Variants in TMPRSS9 observed in about 807,000 individuals in gnomAD.
TMPRSS9 encodes transmembrane protease serine 9.
A neutral mutation model predicts 111.4 loss-of-function variants in TMPRSS9; 113 were observed. The observed-to-expected ratio is 1.01, with a 90% CI of 0.87 to 1.19. The LOEUF (loss-of-function observed/expected upper bound fraction) is 1.19, where lower values mean the gene tolerates loss of function less well. TMPRSS9 is among the 50% of genes most tolerant of loss of function. The pLI, the probability that TMPRSS9 is intolerant of heterozygous loss-of-function variation, is 0.00. For missense variants in TMPRSS9, 1,803 were observed against 1,513.1 expected (o/e 1.19, Z -3.18); for synonymous variants, 805 against 659.1 (o/e 1.22, Z -3.39).
chr19:2,362,362 G>C (rs1382113925), intron 1 of TMPRSS9, among the ~76,000 whole-genome samples: 3 of 150,932 alleles, frequency 2.0e-5, no homozygotes, highest in Non-Finnish European at 2.9e-5. Context: ...TTGTGTGACT[G>C]TGCAGCCATG....
At chr19:2,410,376 G>A in exon 9 of TMPRSS9, 1 of 1,613,990 alleles carries the variant, frequency 6.2e-7, no homozygotes, top group African/African-American at 1.3e-5. Flanking sequence ...ACCTGGACGG[G>A]AAGGTGGACT....
chr19:2,377,961 C>T (rs762345560), intron 1 of TMPRSS9, among the ~76,000 whole-genome samples: 2 of 151,338 alleles, frequency 1.3e-5, no homozygotes, highest in Non-Finnish European at 2.9e-5. Context: ...GCTTCGATCT[C>T]CTGGGCTCGA....
At chr19:2,420,169 G>A (rs1276629241) in intron 13 of TMPRSS9, among the ~76,000 whole-genome samples, 4 of 61,206 alleles carry the variant, frequency 6.5e-5, no homozygotes, top group African/African-American at 3.7e-4. Context: ...CTCAAAAAAC[G>A]AAGGGCGGGT....
At chr19:2,388,621 T>A (rs143874182), upstream of TMPRSS9, among the ~76,000 whole-genome samples, 1 of 152,062 alleles carries the variant, frequency 6.6e-6, no homozygotes, top group African/African-American at 2.4e-5. Flanking sequence ...CAATCAGTAT[T>A]CCATTTTTAA....
chr19:2,411,274 T>C (rs1971087925), intron 9 of TMPRSS9, among the ~76,000 whole-genome samples: 1 of 99,508 alleles, frequency 1.0e-5, no homozygotes, highest in Non-Finnish European at 1.8e-5. Context: ...CACTCCAGCC[T>C]GGGCGACAAA....
chr19:2,391,095 A>T (rs1047572326), intron 1 of TMPRSS9, among the ~76,000 whole-genome samples: 28 of 149,326 alleles, frequency 1.9e-4, no homozygotes, highest in Non-Finnish European at 2.8e-4. Flanking sequence ...AAGATAGCTG[A>T]GCATGGTGGT....
chr19:2,376,931 A>G (rs765694583), intron 1 of TMPRSS9, among the ~76,000 whole-genome samples: 15 of 152,052 alleles, frequency 9.9e-5, no homozygotes, highest in Non-Finnish European at 2.2e-4. Context: ...CCTCCAAGGA[A>G]GGCCAGGCAG....
exon 10 of TMPRSS9, chr19:2,413,864 C>T: frequency 6.2e-7 from 1 of 1,613,692 alleles, no homozygotes; most frequent in Non-Finnish European, 8.5e-7. Context: ...CCAAAGCCAG[C>T]ATGCCTCTGG....
At chr19:2,410,659 C>T (rs369005807) in intron 9 of TMPRSS9, among the ~76,000 whole-genome samples, 6 of 152,186 alleles carry the variant, frequency 3.9e-5, no homozygotes, top group East Asian at 3.9e-4. Context: ...GACTTCAATC[C>T]CTCCTCTGCC....
exon 18 of TMPRSS9, chr19:2,425,931 A>T (rs1289496890): frequency 1.9e-6 from 3 of 1,593,090 alleles, no homozygotes; most frequent in Non-Finnish European, 2.6e-6. Context: ...CAACAGGGTG[A>T]CGCTGGGGGA....
intron 1 of TMPRSS9, among the ~76,000 whole-genome samples, chr19:2,372,162 T>G (rs1210850241): frequency 6.6e-6 from 1 of 152,164 alleles, no homozygotes; most frequent in African/African-American, 2.4e-5. Context: ...GGCCCCTTCT[T>G]TTTTCTTCCC....
At chr19:2,385,413 G>A (rs988260176), upstream of TMPRSS9, among the ~76,000 whole-genome samples, 1 of 152,190 alleles carries the variant, frequency 6.6e-6, no homozygotes, top group African/African-American at 2.4e-5. Context: ...GACTGAAAGC[G>A]GCAGGAGCAT....
intron 1 of TMPRSS9, among the ~76,000 whole-genome samples, chr19:2,362,933 G>A (rs1056430102): frequency 1.3e-4 from 18 of 136,354 alleles, no homozygotes; most frequent in Non-Finnish European, 3.3e-5. Context: ...GTGTGTGGTT[G>A]TGTGTTGTGT....
intron 1 of TMPRSS9, among the ~76,000 whole-genome samples, chr19:2,362,217 G>A (rs1235130736): frequency 6.6e-6 from 1 of 151,962 alleles, no homozygotes; most frequent in Non-Finnish European, 1.5e-5. Context: ...TAATTGTGTG[G>A]TCGGGTGGGA....
intron 1 of TMPRSS9, among the ~76,000 whole-genome samples, chr19:2,391,863 T>A (rs1970605515): frequency 6.6e-6 from 1 of 151,064 alleles, no homozygotes; most frequent in South Asian, 2.1e-4. Flanking sequence ...TGCCTCAGCC[T>A]CCTGGGTAGC....
chr19:2,403,605 C>G (rs913902456), intron 6 of TMPRSS9, among the ~76,000 whole-genome samples: 1 of 152,016 alleles, frequency 6.6e-6, no homozygotes, highest in African/African-American at 2.4e-5. Flanking sequence ...ACCTGTCATC[C>G]CAGCACTTTG....
At chr19:2,405,200 T>C (rs1173720937) in intron 6 of TMPRSS9, among the ~76,000 whole-genome samples, 174 bp from the exon 8 acceptor site, 1 of 151,836 alleles carries the variant, frequency 6.6e-6, no homozygotes, top group Non-Finnish European at 1.5e-5. Flanking sequence ...GCCGAGGAGT[T>C]GAAGAGGAAG....
At chr19:2,380,598 CAA>C (rs112276283) in intron 1 of TMPRSS9, among the ~76,000 whole-genome samples, 43 of 110,726 alleles carry the variant, frequency 3.9e-4, no homozygotes, top group East Asian at 6.3e-4. Context: ...AAGACTCCAC[CAA>C]AAAAAAAAAA....
intron 1 of TMPRSS9, among the ~76,000 whole-genome samples, chr19:2,364,926 C>T (rs1970236652): frequency 6.6e-6 from 1 of 151,540 alleles, no homozygotes; most frequent in South Asian, 2.1e-4. Context: ...TTGCAGTGAG[C>T]CAGGATCGCG....
Sources: gnomAD v4.1 joint callset for allele counts (sites outside exome capture counted in the v4.1 genomes callset) on GRCh38, gnomAD v4.1.1 for gene constraint, MANE v1.5 for transcripts, NCBI Gene and HGNC (gene_info 2026-07-23, HGNC 2026-07-21) for gene names.